KANK1: variants seen among roughly 807,000 people sequenced by gnomAD.
KANK1 encodes the protein KN motif and ankyrin repeat domain-containing protein 1.
KANK1 carries 109 observed loss-of-function variants against 106.2 expected under a neutral mutation model. That is an observed-to-expected ratio of 1.03 (90% CI 0.88 to 1.20). The LOEUF (loss-of-function observed/expected upper bound fraction) is 1.20. KANK1 is among the 50% of genes most tolerant of loss of function. The probability of loss-of-function intolerance (pLI) is 0.00; values close to 1 mark genes in which losing one functional copy is unlikely to be tolerated. For missense variants in KANK1, 2,399 were observed against 1,710.7 expected, an observed-to-expected ratio of 1.40 and a Z score of -7.10; for synonymous variants, 873 against 652.2, an observed-to-expected ratio of 1.34 and a Z score of -5.16.
intron 1 of KANK1, among the ~76,000 whole-genome samples, chr9:589,902 T>G (rs1824418283): frequency 6.6e-6 from 1 of 152,174 alleles, no homozygotes; most frequent in Non-Finnish European, 1.5e-5. Flanking sequence ...GATAAAAACG[T>G]CTGGGCTCCA....
intron 3 of KANK1, among the ~76,000 whole-genome samples, chr9:492,543 G>T (rs1421541311): frequency 6.6e-6 from 1 of 152,172 alleles, no homozygotes; most frequent in Non-Finnish European, 1.5e-5. Context: ...GAGGCTGTCT[G>T]TGAGAGACAG....
intron 1 of KANK1, chr9:673,962 C>T (rs1049535320): frequency 1.3e-5 from 2 of 152,000 alleles, no homozygotes; most frequent in African/African-American, 4.8e-5. Context: ...GGCTTCTTTC[C>T]TTTGCCCCTT....
At chr9:605,453 G>A (rs954644021) in intron 1 of KANK1, among the ~76,000 whole-genome samples, 35 of 151,940 alleles carry the variant, frequency 2.3e-4, no homozygotes, top group Non-Finnish European at 4.1e-4. Flanking sequence ...CTTCCTGGAG[G>A]AGAAAGTGCG....
intron 1 of KANK1, among the ~76,000 whole-genome samples, chr9:531,297 G>A (rs1486933009): frequency 3.3e-5 from 5 of 152,078 alleles, no homozygotes; most frequent in African/African-American, 7.2e-5. Context: ...CAGATGTGGT[G>A]GTGCGTGCCT....
At chr9:670,781 C>G (rs1215746854) in intron 1 of KANK1, among the ~76,000 whole-genome samples, 1 of 152,076 alleles carries the variant, frequency 6.6e-6, no homozygotes, top group Non-Finnish European at 1.5e-5. Flanking sequence ...ATGGATAGGT[C>G]TCCTGCCAAA....
Position 712,947 on chromosome 9 carries a change from C to G in KANK1, c.2181C>G (p.Ile727Met). 6.2e-7 allele frequency: 1 copy of G among 1,614,200 alleles called. No individual in the cohort carries two copies. Among genetic ancestry groups the G allele is most frequent in the Non-Finnish European group, 8.5e-7 (1 of 1,180,042 alleles). Residue 727 changes from isoleucine (I) to methionine (M), a missense_variant, in exon 3 of 12, where the codon ATC becomes ATG. Coordinates refer to ENST00000382297, the MANE Select transcript of KANK1 (RefSeq NM_015158.5). The stretch of plus-strand genomic sequence containing the variant: ...TAGGAGAAGGCCGTGTCAAGGACAT[C>G]AACTCCTCCACCAAGACGCGGTCCA... ...VAVGEGRVKD[I>M]NSSTKTRSIG...
chr9:711,101 A>G lies in KANK1; in HGVS notation c.335A>G (p.Gln112Arg), dbSNP rs751635469. 1 of 1,614,178 alleles carries G rather than the reference A, an allele frequency of 6.2e-7. No individual in the cohort carries two copies. The highest frequency in any genetic ancestry group is 1.7e-5 in the Admixed American group (1 of 60,020). Residue 112 changes from glutamine to arginine, a missense_variant, in exon 3 of 12, where the codon CAA (glutamine) becomes CGA (arginine). Gln to Arg is a conservative substitution (Grantham distance 43). Coordinates refer to ENST00000382297, the MANE Select transcript of KANK1 (RefSeq NM_015158.5). ...QCPNFLIARS[Q>R]VTSTPISKPP... is the part of the protein sequence containing the mutation. ...CCCAACTTCCTCATAGCCAGAAGTC[A>G]AGTTACATCAACTCCAATCTCAAAG...
At position 710,786 on chromosome 9, in the gene KANK1, C is replaced by A. The variant is rs1182529522; in HGVS notation, c.38-18C>A. 1 of 1,552,566 alleles carries A rather than the reference C, an allele frequency of 6.4e-7. No homozygotes were observed. The stretch of plus-strand genomic sequence containing the variant: ...GTGTATTGCATGTCATTATAATATT[C>A]TTTTCTCCCTCTTCTAGGAAAAGCA... On this transcript the variant is annotated intron_variant, in intron 2 of 11. Coordinates refer to ENST00000382297, the MANE Select transcript of KANK1 (RefSeq NM_015158.5).
intron 1 of KANK1, among the ~76,000 whole-genome samples, chr9:511,716 A>T (rs1234358299): frequency 6.6e-6 from 1 of 152,254 alleles, no homozygotes; most frequent in Non-Finnish European, 1.5e-5. Flanking sequence ...AATATAAACA[A>T]CAAAGGGTTT....
intron 3 of KANK1, among the ~76,000 whole-genome samples, chr9:498,642 T>C (rs764282223): frequency 1.3e-5 from 2 of 152,186 alleles, no homozygotes; most frequent in African/African-American, 2.4e-5. Context: ...GAATGGACAT[T>C]TCTCCAAAGA....
At chr9:624,766 C>A (rs574612566) in intron 1 of KANK1, among the ~76,000 whole-genome samples, 1 of 151,974 alleles carries the variant, frequency 6.6e-6, no homozygotes, top group Non-Finnish European at 1.5e-5. Flanking sequence ...GCCACTGTAC[C>A]CCAGCCTGGG....
At chr9:624,664 G>A (rs188109211) in intron 1 of KANK1, among the ~76,000 whole-genome samples, 34 of 152,012 alleles carry the variant, frequency 2.2e-4, no homozygotes, top group African/African-American at 8.0e-4. Context: ...TTAGTCGGGC[G>A]TAGTCATTCC....
intron 1 of KANK1, among the ~76,000 whole-genome samples, chr9:607,781 T>G (rs1829596524): frequency 6.6e-6 from 1 of 151,660 alleles, no homozygotes; most frequent in East Asian, 1.9e-4. Flanking sequence ...GGAAATAATA[T>G]GGTGTGGTAA....
chr9:704,253 G>A (rs116019066), intron 2 of KANK1, among the ~76,000 whole-genome samples: 2 of 152,146 alleles, frequency 1.3e-5, no homozygotes, highest in African/African-American at 4.8e-5. Context: ...TCACTTAAAA[G>A]TATAGAGGTA....
intron 1 of KANK1, among the ~76,000 whole-genome samples, chr9:620,011 C>A (rs1371303345): frequency 6.6e-6 from 1 of 152,062 alleles, no homozygotes; most frequent in Non-Finnish European, 1.5e-5. Context: ...GTGGTGTGCG[C>A]CTGTAATCCC....
chr9:512,550 A>G (rs1357744828), intron 1 of KANK1, among the ~76,000 whole-genome samples: 3 of 150,574 alleles, frequency 2.0e-5, no homozygotes, highest in African/African-American at 5.0e-5. Context: ...AAGTCAACAC[A>G]TAAAATTAAC....
intron 1 of KANK1, among the ~76,000 whole-genome samples, chr9:607,639 A>G (rs1218994308): frequency 2.0e-5 from 3 of 151,640 alleles, no homozygotes; most frequent in Admixed American, 1.3e-4. Flanking sequence ...TGCCTCACCC[A>G]GTCCAGGACG....
chr9:520,751 G>A lies in KANK1; in HGVS notation c.-84+15997G>A, dbSNP rs1587466972. ...CAGGGTCTAGTTTTTGGACAGGACT[G>A]ATTAATCTTTTATGAATTGGAGAGC... On this transcript the variant is annotated intron_variant, in intron 1 of 11. Coordinates refer to ENST00000382297, the MANE Select transcript of KANK1 (RefSeq NM_015158.5). Among the ~76,000 whole-genome samples the A allele has an allele frequency of 2.6e-5, 4 of 151,844 alleles. No individual in the cohort carries two copies. The East Asian group carries it at 7.7e-4, about 29-fold the overall frequency.
Position 606,604 on chromosome 9 carries a change from G to A in KANK1, c.-83-70286G>A, listed in dbSNP as rs1413539221. On this transcript the variant is annotated intron_variant, in intron 1 of 11. Transcript: ENST00000382297. ...TTTTATAAACCTATAAAATATGTGT[G>A]TGTGTGTGTGTATATATTTATATAT... Among the ~76,000 whole-genome samples the A allele has an allele frequency of 1.6e-3, 198 of 121,876 alleles. 23 individuals are homozygous for A. Among genetic ancestry groups the A allele is most frequent in the African/African-American group, 6.6e-3 (187 of 28,178 alleles). The allele number at this position is 121,876 out of a possible 152,430, so 80.0% of individuals were successfully genotyped here. A position where few individuals can be genotyped will look rare whatever the true frequency, so the allele number is the denominator to read the frequency against.
Sources: gnomAD v4.1 joint callset for allele counts (sites outside exome capture counted in the v4.1 genomes callset) on GRCh38, gnomAD v4.1.1 for gene constraint, MANE v1.5 for transcripts, NCBI Gene and HGNC (gene_info 2026-07-23, HGNC 2026-07-21) for gene names.